TRIM66: variants seen among roughly 807,000 people sequenced by gnomAD.
TRIM66 encodes the protein tripartite motif-containing protein 66.
Under a neutral mutation model 148.2 loss-of-function variants are expected in TRIM66, and 99 were observed. The observed-to-expected ratio is 0.67, with a 90% CI of 0.57 to 0.79. The LOEUF is 0.79. TRIM66 is among the 30% of genes least tolerant of loss of function. The pLI, the probability that TRIM66 is intolerant of heterozygous loss-of-function variation, is 0.00. For missense variants in TRIM66, 1,666 were observed against 1,697.9 expected (o/e 0.98, Z 0.33); for synonymous variants, 616 against 635.9 (o/e 0.97, Z 0.47).
At chr11:8,656,070 C>G (rs2037805086) in intron 6 of TRIM66, among the ~76,000 whole-genome samples, 1 of 152,194 alleles carries the variant, frequency 6.6e-6, no homozygotes, top group Non-Finnish European at 1.5e-5. Context: ...TGTCACAACA[C>G]CTTTGTCCAG....
chr11:8,648,606 T>A, intron 8 of TRIM66, 58 bp from the exon 9 acceptor site: 1 of 1,543,730 alleles, frequency 6.5e-7, no homozygotes, highest in South Asian at 1.2e-5. Flanking sequence ...AACCTCTCAG[T>A]TAAGCTTTGC....
In TRIM66 at chr11:8,638,671, G is replaced by C. The variant is rs753771618; in HGVS notation, c.2293C>G (p.Pro765Ala). ...TTCAGTACCTTTCTCACCACATTTGGAGAGGAGTGCTGGATGGTGCTGTCC... is the reference window on the plus strand; with the variant it reads ...TTCAGTACCTTTCTCACCACATTTGCAGAGGAGTGCTGGATGGTGCTGTCC... ...PVDSTIQHSS[P>A]NVVRKHSTSL... The change falls in exon 15 of 25, where the codon CCA (proline) becomes GCA (alanine). Residue 765 changes from proline (P) to alanine (A), a missense_variant. Transcript: ENST00000646038. The C allele has an allele frequency of 5.2e-6, 8 of 1,548,786 alleles. No individual in the cohort carries two copies. The highest frequency in any genetic ancestry group is 1.7e-4 in the Middle Eastern group (1 of 5,992).
intron 6 of TRIM66, among the ~76,000 whole-genome samples, chr11:8,662,806 CTCTTCCCTT>C (rs1399788471): frequency 6.6e-6 from 1 of 152,200 alleles, no homozygotes; most frequent in Non-Finnish European, 1.5e-5. Context: ...AATCAATTCC[CTCTTCCCTT>C]TCCTAAAATG....
chr11:8,659,339 G>A (rs1445152849), intron 6 of TRIM66, among the ~76,000 whole-genome samples: 1 of 152,086 alleles, frequency 6.6e-6, no homozygotes, highest in Non-Finnish European at 1.5e-5. Flanking sequence ...CAGGGTAGTT[G>A]AGCATTAATG....
intron 6 of TRIM66, among the ~76,000 whole-genome samples, chr11:8,670,038 A>T: frequency 7.0e-6 from 1 of 142,412 alleles, no homozygotes; most frequent in African/African-American, 2.6e-5. Flanking sequence ...TTTGAGACAG[A>T]GTCTCACTCT....
At chr11:8,637,831 G>C (rs1310250420) in intron 15 of TRIM66, among the ~76,000 whole-genome samples, 2 of 152,200 alleles carry the variant, frequency 1.3e-5, no homozygotes, top group Non-Finnish European at 2.9e-5. Context: ...AAGTGAAACA[G>C]GGCCAAGGGA....
At position 8,640,898 on chromosome 11, in the gene TRIM66, T is replaced by C. The variant is rs1022467548; in HGVS notation, c.1477A>G (p.Arg493Gly). 6.5e-7 allele frequency: 1 copy of C among 1,550,290 alleles called. No homozygotes were observed. The highest frequency in any genetic ancestry group is 8.7e-7 in the Non-Finnish European group (1 of 1,146,846). The part of the protein sequence containing the change: ...PPSIHPAHSF[R>G]QPPEMVPQQL... ...TGGGGCACCATCTCAGGGGGCTGCC[T>C]GAAGCTGTGGGCTGGGTGTATGCTG... Residue 493 changes from arginine to glycine, a missense_variant, in exon 14 of 25, where the codon AGG becomes GGG. This residue lies in a region of TRIM66 where 1,431 missense variants were observed against 1,412.4 expected (regional missense o/e 1.01). Coordinates refer to ENST00000646038, the MANE Select transcript of TRIM66 (RefSeq NM_001388022.1).
intron 1 of TRIM66, among the ~76,000 whole-genome samples, chr11:8,680,409 G>A (rs1204205742): frequency 1.3e-5 from 2 of 152,136 alleles, no homozygotes; most frequent in Admixed American, 1.3e-4. Context: ...ACAAAGGAAG[G>A]TGTTGTAAAC....
rs548183833 is a variant in TRIM66, at chr11:8,612,503, A to G, written c.*5441T>C. 6.6e-6 allele frequency: 1 copy of G among 152,244 alleles called. No individual in the cohort carries two copies. Among genetic ancestry groups the G allele is most frequent in the East Asian group, 1.9e-4 (1 of 5,204 alleles). The allele number at this position is 152,244 out of a possible 1,614,324, so 9.4% of individuals were successfully genotyped here. ...TCCAAGGTTACACAGCTCATAATGG[A>G]AAGAGCCAAAAATTTTGGTGTTCAG... On this transcript the variant is annotated 3_prime_UTR_variant, in exon 25 of 25. Transcript: ENST00000646038.
chr11:8,660,302 C>T (rs1164278385), intron 6 of TRIM66, among the ~76,000 whole-genome samples: 1 of 152,186 alleles, frequency 6.6e-6, no homozygotes, highest in Admixed American at 6.5e-5. Context: ...TATTTGCCTT[C>T]CCCTCCCCTG....
At chr11:8,667,540 C>G (rs2038677369) in intron 6 of TRIM66, among the ~76,000 whole-genome samples, 1 of 152,132 alleles carries the variant, frequency 6.6e-6, no homozygotes, top group South Asian at 2.1e-4. Flanking sequence ...AATGGGCAAA[C>G]TGAAACTCTG....
intron 12 of TRIM66, among the ~76,000 whole-genome samples, chr11:8,643,337 CTTTT>C (rs376014687): frequency 7.1e-6 from 1 of 140,516 alleles, no homozygotes; most frequent in African/African-American, 2.6e-5. Context: ...AACCTACATT[CTTTT>C]TTTTTTTTTT....
At chr11:8,623,782 C>G (rs866081815) in intron 17 of TRIM66, among the ~76,000 whole-genome samples, 1 of 152,154 alleles carries the variant, frequency 6.6e-6, no homozygotes, top group Non-Finnish European at 1.5e-5. Flanking sequence ...TCCAAATTGC[C>G]TTCACTATGA....
chr11:8,634,642 G>GC (rs1276081170), intron 15 of TRIM66, among the ~76,000 whole-genome samples: 5 of 152,166 alleles, frequency 3.3e-5, no homozygotes, highest in Non-Finnish European at 1.5e-5. Context: ...GGAAGCTTAG[G>GC]CAACAGCTGG....
intron 6 of TRIM66, among the ~76,000 whole-genome samples, chr11:8,662,965 C>T (rs1188316789): frequency 6.6e-6 from 1 of 152,220 alleles, no homozygotes; most frequent in East Asian, 1.9e-4. Flanking sequence ...GGCCAACTTT[C>T]CAGACAGAAT....
At chr11:8,667,208 G>A (rs1012547967) in intron 6 of TRIM66, among the ~76,000 whole-genome samples, 1 of 152,072 alleles carries the variant, frequency 6.6e-6, no homozygotes, top group Admixed American at 6.6e-5. Context: ...CCTTAAATGA[G>A]ATCAAAGACC....
At chr11:8,621,449 A>G in intron 19 of TRIM66, 128 bp from the exon 20 acceptor site, 1 of 1,358,432 alleles carries the variant, frequency 7.4e-7, no homozygotes, top group Non-Finnish European at 9.8e-7. Flanking sequence ...CCAAGCCAGC[A>G]AGCCCCATGA....
chr11:8,671,742 C>G (rs1289519847), intron 6 of TRIM66, 44 bp downstream of exon 6: 4 of 856,594 alleles, frequency 4.7e-6, no homozygotes, highest in Non-Finnish European at 7.6e-6. Flanking sequence ...AGGAAGAGAC[C>G]TGTTATGTAG....
At chr11:8,638,892 G>C (rs2036130156) in intron 14 of TRIM66, 77 bp from the exon 15 acceptor site, 1 of 1,444,138 alleles carries the variant, frequency 6.9e-7, no homozygotes, top group Non-Finnish European at 9.3e-7. Context: ...GCAAAGGCTA[G>C]TGCTCACCCT....
Sources: allele counts gnomAD v4.1 joint callset (sites outside exome capture counted in the v4.1 genomes callset), GRCh38; gene constraint gnomAD v4.1.1; regional missense constraint gnomAD v4.1.1; transcripts MANE v1.5; gene names NCBI Gene and HGNC (gene_info 2026-07-23, HGNC 2026-07-21).